The following NELL1 variants were observed in gnomAD, a reference collection of about 807,000 sequenced individuals.
NELL1 encodes neural EGFL like 1, also known as protein kinase C-binding protein NELL1.
Under a neutral mutation model 107.4 loss-of-function variants are expected in NELL1, and 76 were observed. That is an observed-to-expected ratio of 0.71 (90% confidence interval 0.59 to 0.86). NELL1 has a LOEUF of 0.86. Ranked by LOEUF, NELL1 falls within the 40% of genes least tolerant of loss-of-function variation. The probability of loss-of-function intolerance (pLI) is 0.00; values close to 1 mark genes in which losing one functional copy is unlikely to be tolerated. For synonymous variants in NELL1, 353 were observed against 341.2 expected, an observed-to-expected ratio of 1.03 and a Z score of -0.38; for missense variants, 1,024 against 1,005.5, an observed-to-expected ratio of 1.02 and a Z score of -0.25.
At chr11:20,967,011 G>A (rs1282956042) in intron 12 of NELL1, among the ~76,000 whole-genome samples, 1 of 152,160 alleles carries the variant, frequency 6.6e-6, no homozygotes, top group Admixed American at 6.5e-5. Context: ...CAATGGTCAG[G>A]ATGGAACTTC....
In NELL1 at chr11:21,115,195, G is replaced by C. The variant is rs531049484; in HGVS notation, c.1426+1481G>C. 1.2e-3 allele frequency among the ~76,000 whole-genome samples: 176 copies of C among 152,116 alleles called. 1 individual carries two copies. The highest frequency in any genetic ancestry group is 2.1e-3 in the Non-Finnish European group (140 of 67,938). On this transcript the variant is annotated intron_variant, in intron 13 of 19. Transcript: ENST00000357134. ...GGAAAATGTGTTATCTTAAGAACTG[G>C]CTCCACAATTACTTTTAGAAAGGGA...
intron 5 of NELL1, among the ~76,000 whole-genome samples, chr11:20,916,803 AG>A (rs1850268225): frequency 6.6e-6 from 1 of 151,926 alleles, no homozygotes; most frequent in Admixed American, 6.6e-5. Context: ...TGACAATTTC[AG>A]TTTGGAGGCC....
intron 13 of NELL1, among the ~76,000 whole-genome samples, chr11:21,154,311 C>T (rs1191038403): frequency 6.6e-6 from 1 of 152,104 alleles, no homozygotes. Flanking sequence ...TTTTCTTACC[C>T]TGGAGGATGG....
intron 13 of NELL1, among the ~76,000 whole-genome samples, chr11:21,120,453 C>T (rs999142810): frequency 2.0e-5 from 3 of 152,102 alleles, no homozygotes; most frequent in African/African-American, 7.2e-5. Context: ...ATTCCGCAAC[C>T]TGATTGAGCA....
chr11:21,007,499 A>G (rs561083550), intron 12 of NELL1, among the ~76,000 whole-genome samples: 1 of 152,240 alleles, frequency 6.6e-6, no homozygotes, highest in Admixed American at 6.5e-5. Context: ...CGCTCTCTGC[A>G]GGAACTGCTG....
rs557594285 is a variant in NELL1, at chr11:21,214,726, T to C, written c.1427-14606T>C. Among the ~76,000 whole-genome samples the C allele has an allele frequency of 2.6e-3, 394 of 148,820 alleles. 2 individuals are homozygous for C. The highest frequency in any genetic ancestry group is 8.8e-3 in the African/African-American group (357 of 40,382). On this transcript the variant is annotated intron_variant, in intron 13 of 19. Transcript: ENST00000357134. ...AATGTAAAAATGTATGTTCACAAAA[T>C]ACTTGTACATTCTTTAAATGAGAAA...
intron 16 of NELL1, among the ~76,000 whole-genome samples, chr11:21,548,333 A>G (rs928942461): frequency 6.6e-6 from 1 of 151,884 alleles, no homozygotes; most frequent in Non-Finnish European, 1.5e-5. Flanking sequence ...TGGAGATTGT[A>G]TTAGTTTGTT....
intron 13 of NELL1, among the ~76,000 whole-genome samples, chr11:21,185,895 A>C (rs1430375091): frequency 6.6e-6 from 1 of 151,754 alleles, no homozygotes; most frequent in Non-Finnish European, 1.5e-5. Flanking sequence ...CTCTAATTTA[A>C]ACAAAAAGGG....
chr11:21,488,767 C>A (rs1252432936), intron 15 of NELL1, among the ~76,000 whole-genome samples: 1 of 151,744 alleles, frequency 6.6e-6, no homozygotes, highest in Non-Finnish European at 1.5e-5. Flanking sequence ...ATACCAAAAC[C>A]TGTGGGATAC....
intron 13 of NELL1, among the ~76,000 whole-genome samples, chr11:21,188,923 C>T (rs1172357450): frequency 1.3e-5 from 2 of 151,832 alleles, no homozygotes; most frequent in African/African-American, 4.9e-5. Flanking sequence ...CAAATCTTAA[C>T]ATGTTGTCAT....
intron 4 of NELL1, among the ~76,000 whole-genome samples, chr11:20,870,590 T>C (rs1468872075): frequency 6.6e-6 from 1 of 152,190 alleles, no homozygotes; most frequent in African/African-American, 2.4e-5. Flanking sequence ...ATAGTTTAAA[T>C]GATGAGTTGG....
intron 15 of NELL1, among the ~76,000 whole-genome samples, chr11:21,462,886 A>G (rs749783458): frequency 1.8e-4 from 27 of 152,016 alleles, no homozygotes; most frequent in Non-Finnish European, 3.5e-4. Context: ...TAAATTCTCA[A>G]AAGTTGCCAG....
chr11:21,374,899 G>C (rs904384753), intron 15 of NELL1, among the ~76,000 whole-genome samples: 1 of 148,998 alleles, frequency 6.7e-6, no homozygotes, highest in Non-Finnish European at 1.5e-5. Flanking sequence ...GTGTGTGTGT[G>C]TGTGTGTGTG....
intron 12 of NELL1, among the ~76,000 whole-genome samples, chr11:21,035,625 G>A (rs1853072389): frequency 6.6e-6 from 1 of 152,122 alleles, no homozygotes. Context: ...TAGAACCAAA[G>A]ACAAAAGGCA....
At chr11:21,095,691 G>T (rs1253885579) in intron 12 of NELL1, among the ~76,000 whole-genome samples, 1 of 151,932 alleles carries the variant, frequency 6.6e-6, no homozygotes, top group Non-Finnish European at 1.5e-5. Flanking sequence ...GCTCACTACA[G>T]CCTCCACCTC....
At chr11:21,336,688 C>CACACACACACACAT (rs1229656676) in intron 14 of NELL1, among the ~76,000 whole-genome samples, 33 of 150,108 alleles carry the variant, frequency 2.2e-4, no homozygotes, top group Middle Eastern at 3.4e-3. Context: ...CACACACACA[C>CACACACACACACAT]ACATTAAACA....
chr11:20,862,628 T>TTTTTA (rs869055167), intron 4 of NELL1, among the ~76,000 whole-genome samples: 1 of 138,676 alleles, frequency 7.2e-6, no homozygotes, highest in African/African-American at 2.8e-5. Context: ...TTTTTTTTTT[T>TTTTTA]ATTGATCATT....
At chr11:20,809,397 A>G (rs997585131) in intron 3 of NELL1, among the ~76,000 whole-genome samples, 1 of 152,198 alleles carries the variant, frequency 6.6e-6, no homozygotes, top group Non-Finnish European at 1.5e-5. Flanking sequence ...AACCTCTTCT[A>G]GCTATTTTGA....
At chr11:20,732,063 A>G (rs1410706520) in intron 2 of NELL1, among the ~76,000 whole-genome samples, 4 of 152,078 alleles carry the variant, frequency 2.6e-5, no homozygotes, top group Non-Finnish European at 4.4e-5. Context: ...GGACTTGCCT[A>G]GCTTTCTGCT....
Sources: gnomAD v4.1 joint callset for allele counts (sites outside exome capture counted in the v4.1 genomes callset) on GRCh38, gnomAD v4.1.1 for gene constraint, MANE v1.5 for transcripts, NCBI Gene and HGNC (gene_info 2026-07-23, HGNC 2026-07-21) for gene names.